Variants in ME3 observed in about 807,000 individuals in gnomAD.
ME3 encodes the protein NADP-dependent malic enzyme, mitochondrial.
Under a neutral mutation model 68.9 loss-of-function variants are expected in ME3, and 48 were observed. That is an observed-to-expected ratio of 0.70 (90% CI 0.55 to 0.89). ME3 has a LOEUF of 0.89. Among genes scored for constraint, ME3 ranks in the 40% least tolerant of loss-of-function variants. The probability of loss-of-function intolerance (pLI) is 0.00; values close to 1 mark genes in which losing one functional copy is unlikely to be tolerated. For missense variants in ME3, 675 were observed against 797.4 expected, an observed-to-expected ratio of 0.85 and a Z score of 1.85; for synonymous variants, 320 against 318.8, an observed-to-expected ratio of 1.00 and a Z score of -0.04.
At position 86,477,619 on chromosome 11, in the gene ME3, G is replaced by C. The variant is rs139251412; in HGVS notation, c.809+9718C>G. Among the ~76,000 whole-genome samples, 19 of 152,214 alleles carry C rather than the reference G, an allele frequency of 1.2e-4. No individual in the cohort carries two copies. In the East Asian group the frequency reaches 3.7e-3, roughly 29 times the overall value. On this transcript the variant is annotated intron_variant, in intron 7 of 14. Coordinates refer to ENST00000543262, the Ensembl canonical transcript of ME3. ...TTTGTTCCTATTCTTGATACCAAGC[G>C]ATAAAATCAGGCTGCTAAGAGAAAA...
intron 6 of ME3, among the ~76,000 whole-genome samples, chr11:86,487,935 C>T (rs554787387): frequency 3.9e-5 from 6 of 152,310 alleles, no homozygotes; most frequent in African/African-American, 7.2e-5. Context: ...CTCAGCACTT[C>T]GGAAGGCCAA....
At chr11:86,591,413 C>T (rs972626533) in intron 2 of ME3, among the ~76,000 whole-genome samples, 1 of 152,082 alleles carries the variant, frequency 6.6e-6, no homozygotes, top group African/African-American at 2.4e-5. Context: ...TTAGGGTGGA[C>T]CCAAATCCAA....
chr11:86,505,829 C>G (rs1266690378), intron 5 of ME3, among the ~76,000 whole-genome samples: 1 of 152,206 alleles, frequency 6.6e-6, no homozygotes, highest in African/African-American at 2.4e-5. Context: ...GACTGATCTC[C>G]AGGTTTCTTC....
intron 7 of ME3, among the ~76,000 whole-genome samples, chr11:86,477,748 A>T (rs1951166712): frequency 6.6e-6 from 1 of 152,126 alleles, no homozygotes; most frequent in Non-Finnish European, 1.5e-5. Flanking sequence ...TTAACTAGTG[A>T]ACTGCAAACT....
intron 2 of ME3, among the ~76,000 whole-genome samples, chr11:86,669,702 G>T (rs1946803158): frequency 6.6e-6 from 1 of 151,976 alleles, no homozygotes; most frequent in South Asian, 2.1e-4. Context: ...ATTTGTATGG[G>T]GACACAGCCA....
At chr11:86,583,596 G>A in intron 2 of ME3, among the ~76,000 whole-genome samples, 1 of 152,150 alleles carries the variant, frequency 6.6e-6, no homozygotes, top group Middle Eastern at 3.2e-3. Flanking sequence ...CAAAGCAGGT[G>A]CAGTGGATGC....
At chr11:86,490,698 G>A (rs1164408760) in intron 6 of ME3, among the ~76,000 whole-genome samples, 1 of 152,156 alleles carries the variant, frequency 6.6e-6, no homozygotes, top group Admixed American at 6.5e-5. Context: ...ACATAAAAAT[G>A]ACTGAAAATA....
At chr11:86,560,714 G>A (rs1594449978) in intron 2 of ME3, among the ~76,000 whole-genome samples, 1 of 81,578 alleles carries the variant, frequency 1.2e-5, no homozygotes, top group South Asian at 5.1e-4. Flanking sequence ...ATGTGTGTGT[G>A]TGTGTGTGTG....
chr11:86,654,150 C>T (rs1945682753), intron 2 of ME3, among the ~76,000 whole-genome samples: 2 of 152,140 alleles, frequency 1.3e-5, no homozygotes, highest in African/African-American at 4.8e-5. Context: ...GATTCACAGC[C>T]GAATTCTACT....
rs945846946 is a variant in ME3 at position 86,575,412 on chromosome 11, T to C, written c.184-15589A>G. Among the ~76,000 whole-genome samples, 5 of 147,456 alleles carry C rather than the reference T, an allele frequency of 3.4e-5. 1 individual carries two copies. The highest frequency in any genetic ancestry group is 4.3e-4 in the South Asian group (2 of 4,704). On this transcript the variant is annotated intron_variant, in intron 2 of 14. Coordinates refer to ENST00000543262, the Ensembl canonical transcript of ME3. ...ACCTGTCTGGGAAATGGGAATAATA[T>C]GTACCTCATCTACTTTACAGAGATG...
intron 2 of ME3, among the ~76,000 whole-genome samples, chr11:86,665,888 TG>T (rs1156630224): frequency 1.3e-5 from 2 of 152,130 alleles, no homozygotes; most frequent in African/African-American, 4.8e-5. Context: ...AGGAGAAGAC[TG>T]AAGACTGAAG....
chr11:86,494,518 C>T (rs1051292575), intron 6 of ME3, among the ~76,000 whole-genome samples: 5 of 152,126 alleles, frequency 3.3e-5, no homozygotes, highest in South Asian at 2.1e-4. Context: ...CTCTCACCCC[C>T]GGGGCACATA....
At chr11:86,669,957 C>T (rs1260263867) in intron 2 of ME3, among the ~76,000 whole-genome samples, 1 of 152,154 alleles carries the variant, frequency 6.6e-6, no homozygotes, top group Non-Finnish European at 1.5e-5. Context: ...GTTTTGCTTT[C>T]TACATCCATT....
intron 2 of ME3, among the ~76,000 whole-genome samples, chr11:86,634,108 G>A (rs529235917): frequency 1.6e-4 from 24 of 151,966 alleles, no homozygotes; most frequent in African/African-American, 5.1e-4. Flanking sequence ...TTTTGGGCAT[G>A]AGGAAGGGAA....
At chr11:86,447,339 C>T in intron 11 of ME3, 132 bp from the exon 12 acceptor site, 2 of 1,237,030 alleles carry the variant, frequency 1.6e-6, no homozygotes, top group South Asian at 3.1e-5. Flanking sequence ...GCCACAAGGA[C>T]TGAAGGAGCA....
At chr11:86,672,141 G>T in intron 1 of ME3, 183 bp from the exon 2 acceptor site, 1 of 506,948 alleles carries the variant, frequency 2.0e-6, no homozygotes, top group Admixed American at 4.4e-5. Flanking sequence ...CGCGCGGGGC[G>T]CCAGGCCTAG....
intron 2 of ME3, among the ~76,000 whole-genome samples, chr11:86,618,900 G>A (rs1407638710): frequency 6.6e-6 from 1 of 151,928 alleles, no homozygotes; most frequent in Non-Finnish European, 1.5e-5. Flanking sequence ...TTAGTAGACG[G>A]GGGTTTCACC....
intron 2 of ME3, among the ~76,000 whole-genome samples, chr11:86,644,840 T>C (rs1018699465): frequency 3.3e-5 from 5 of 152,226 alleles, no homozygotes; most frequent in African/African-American, 4.8e-5. Flanking sequence ...GGGTGATTTC[T>C]GCATTTCCAG....
intron 5 of ME3, among the ~76,000 whole-genome samples, chr11:86,502,122 A>T (rs958170925): frequency 6.6e-6 from 1 of 152,292 alleles, no homozygotes; most frequent in South Asian, 2.1e-4. Context: ...AAATATTTCC[A>T]ATTTTGTATA....
Sources: allele counts gnomAD v4.1 joint callset (sites outside exome capture counted in the v4.1 genomes callset), GRCh38; gene constraint gnomAD v4.1.1; transcripts MANE v1.5; gene names NCBI Gene and HGNC (gene_info 2026-07-23, HGNC 2026-07-21).